The following CDC73 variants were observed in gnomAD, a reference collection of about 807,000 sequenced individuals.
CDC73 encodes the protein cell division cycle 73, also known as parafibromin.
In CDC73, 21 loss-of-function variants were observed where a neutral mutation model predicts 83.7. The observed-to-expected ratio is 0.25, with a 90% CI of 0.18 to 0.36. CDC73 has a LOEUF of 0.36. CDC73 is among the 10% of genes least tolerant of loss of function. CDC73 has a pLI of 1.00. For synonymous variants in CDC73, 224 were observed against 212.9 expected, an observed-to-expected ratio of 1.05 and a Z score of -0.45; for missense variants, 342 against 653.3, an observed-to-expected ratio of 0.52 and a Z score of 5.19.
intron 6 of CDC73, among the ~76,000 whole-genome samples, chr1:193,140,486 C>G (rs1484315196): frequency 6.6e-6 from 1 of 152,158 alleles, no homozygotes; most frequent in East Asian, 1.9e-4. Context: ...CCAAGGTCAC[C>G]TTGTCGTTTA....
intron 15 of CDC73, among the ~76,000 whole-genome samples, chr1:193,239,728 T>C (rs1296787833): frequency 6.6e-6 from 1 of 152,160 alleles, no homozygotes; most frequent in East Asian, 1.9e-4. Flanking sequence ...TGAGTGTTTA[T>C]TATTTCTGTG....
chr1:193,128,974 C>G (rs918516751), intron 2 of CDC73, among the ~76,000 whole-genome samples: 1 of 149,944 alleles, frequency 6.7e-6, no homozygotes, highest in Non-Finnish European at 1.5e-5. Flanking sequence ...TTATAGGCTT[C>G]TGCCATCACG....
intron 6 of CDC73, among the ~76,000 whole-genome samples, chr1:193,139,506 A>C (rs1675864533): frequency 6.6e-6 from 1 of 152,160 alleles, no homozygotes; most frequent in South Asian, 2.1e-4. Flanking sequence ...GAAATATAGA[A>C]CGTAGTTCTT....
intron 10 of CDC73, among the ~76,000 whole-genome samples, chr1:193,177,148 G>C (rs1676618658): frequency 1.3e-5 from 2 of 152,056 alleles, no homozygotes; most frequent in Middle Eastern, 3.4e-3. Context: ...TAAAGGGACA[G>C]ACCATTTTTG....
intron 2 of CDC73, among the ~76,000 whole-genome samples, chr1:193,129,338 G>T (rs1397271203): frequency 6.6e-6 from 1 of 150,666 alleles, no homozygotes. Context: ...GACCATGTTG[G>T]CCAGGCTGGT....
At chr1:193,186,327 G>T (rs1027944036) in intron 10 of CDC73, 5 of 152,408 alleles carry the variant, frequency 3.3e-5, no homozygotes, top group Non-Finnish European at 5.9e-5. Context: ...GACAGTTGAT[G>T]CATTGAAGCT....
chr1:193,168,771 C>T (rs756557778), intron 10 of CDC73, among the ~76,000 whole-genome samples: 29 of 152,126 alleles, frequency 1.9e-4, no homozygotes, highest in South Asian at 6.2e-4. Context: ...GTGATCCACC[C>T]GCCTCAGCCT....
chr1:193,183,196 A>G (rs1572182133), intron 10 of CDC73, among the ~76,000 whole-genome samples: 2 of 151,730 alleles, frequency 1.3e-5, no homozygotes, highest in Non-Finnish European at 2.9e-5. Context: ...ATGTAAATGA[A>G]TGAAAGTGCT....
At chr1:193,228,190 T>C (rs1677596406) in intron 13 of CDC73, among the ~76,000 whole-genome samples, 1 of 152,330 alleles carries the variant, frequency 6.6e-6, no homozygotes, top group Admixed American at 6.5e-5. Context: ...ATATAATTGA[T>C]GGTATCTTAG....
chr1:193,215,850 G>A (rs531926359), intron 13 of CDC73, among the ~76,000 whole-genome samples: 37 of 152,102 alleles, frequency 2.4e-4, no homozygotes, highest in African/African-American at 8.4e-4. Context: ...TTGGCCTCCC[G>A]AAGGGCTGGG....
intron 8 of CDC73, among the ~76,000 whole-genome samples, chr1:193,149,269 G>T (rs1019327101): frequency 3.9e-5 from 6 of 152,080 alleles, no homozygotes; most frequent in Non-Finnish European, 8.8e-5. Context: ...ATGGACCAGG[G>T]GGAGGTTTTT....
intron 13 of CDC73, among the ~76,000 whole-genome samples, chr1:193,218,961 AAACAGAC>A (rs1677416442): frequency 1.3e-5 from 2 of 152,348 alleles, no homozygotes; most frequent in South Asian, 4.1e-4. Context: ...TCAACAGAGT[AAACAGAC>A]AACATACAGA....
At chr1:193,194,918 ATCTC>A (rs959349294) in intron 10 of CDC73, among the ~76,000 whole-genome samples, 1 of 152,104 alleles carries the variant, frequency 6.6e-6, no homozygotes, top group Non-Finnish European at 1.5e-5. Flanking sequence ...TGTGAAATAA[ATCTC>A]TATATGTGTA....
intron 8 of CDC73, among the ~76,000 whole-genome samples, chr1:193,148,557 A>G (rs1188319992): frequency 6.6e-6 from 1 of 152,048 alleles, no homozygotes. Context: ...ATATGATTCA[A>G]CAAAGGAATA....
intron 10 of CDC73, among the ~76,000 whole-genome samples, chr1:193,187,102 T>TCCCC (rs3079946): frequency 0.014 from 456 of 32,778 alleles, 81 homozygotes; most frequent in South Asian, 0.03. Flanking sequence ...GTAATTTAGA[T>TCCCC]CCCCCCCCCC....
intron 5 of CDC73, among the ~76,000 whole-genome samples, 182 bp downstream of exon 5, chr1:193,135,771 A>G (rs1482329098): frequency 3.3e-5 from 5 of 152,028 alleles, no homozygotes; most frequent in Non-Finnish European, 7.4e-5. Flanking sequence ...CTCACATGCA[A>G]GCTATGTGAG....
At position 193,249,814 on chromosome 1, in the gene CDC73, A is replaced by G; in HGVS notation, c.1502A>G (p.Tyr501Cys). 2 of 1,612,336 alleles carry G rather than the reference A, an allele frequency of 1.2e-6. No individual in the cohort carries two copies. Among genetic ancestry groups the G allele is most frequent in the Non-Finnish European group, 1.7e-6 (2 of 1,178,592 alleles). Residue 501 changes from tyrosine to cysteine, a missense_variant, in exon 16 of 17, where the codon TAT becomes TGT. This residue lies in a region of CDC73 where 239 missense variants were observed against 420.6 expected (regional missense o/e 0.57). Transcript: ENST00000367435. ...KWDVTVLELS[Y>C]HKRHLDRPVF... ...GATGTAACAGTATTAGAACTCAGCTATCACAAACGTCATTTGGATAGACCA... is the reference window on the plus strand; with the variant it reads ...GATGTAACAGTATTAGAACTCAGCTGTCACAAACGTCATTTGGATAGACCA...
intron 13 of CDC73, among the ~76,000 whole-genome samples, chr1:193,214,091 G>A (rs952421918): frequency 3.9e-5 from 6 of 152,172 alleles, no homozygotes; most frequent in African/African-American, 1.4e-4. Flanking sequence ...TCTAGTTCCA[G>A]TTCCTCTGTG....
At chr1:193,237,795 T>C (rs1364075360) in intron 15 of CDC73, among the ~76,000 whole-genome samples, 2 of 152,186 alleles carry the variant, frequency 1.3e-5, no homozygotes, top group African/African-American at 4.8e-5. Flanking sequence ...TAGCTGCACG[T>C]CCAGGAAAAA....
Sources: gnomAD v4.1 joint callset for allele counts (sites outside exome capture counted in the v4.1 genomes callset) on GRCh38, gnomAD v4.1.1 for gene constraint, gnomAD v4.1.1 regional missense constraint, MANE v1.5 for transcripts, NCBI Gene and HGNC (gene_info 2026-07-23, HGNC 2026-07-21) for gene names.